Variants in SASH1 observed in about 807,000 individuals in gnomAD.
SASH1 encodes the protein SAM and SH3 domain containing 1.
SASH1 carries 44 observed loss-of-function variants against 125.2 expected under a neutral mutation model. The ratio of observed to expected loss-of-function variants is 0.35; its 90% confidence interval spans 0.28 to 0.45. The LOEUF (loss-of-function observed/expected upper bound fraction) is 0.45, where lower values mean the gene tolerates loss of function less well. Among genes scored for constraint, SASH1 ranks in the 20% least tolerant of loss-of-function variants. The probability of loss-of-function intolerance (pLI) is 1.00; values close to 1 mark genes in which losing one functional copy is unlikely to be tolerated. For synonymous variants in SASH1, 639 were observed against 649.1 expected, an observed-to-expected ratio of 0.98 and a Z score of 0.24; for missense variants, 1,426 against 1,614.5, an observed-to-expected ratio of 0.88 and a Z score of 2.00.
At chr6:148,301,766 T>G (rs1481174343) in intron 1 of SASH1, among the ~76,000 whole-genome samples, 1 of 120,538 alleles carries the variant, frequency 8.3e-6, no homozygotes, top group Non-Finnish European at 1.8e-5. Flanking sequence ...TTTTTTTTTT[T>G]GCAGTTTTTG....
At chr6:148,432,539 A>G (rs1023778367) in intron 2 of SASH1, among the ~76,000 whole-genome samples, 8 of 152,214 alleles carry the variant, frequency 5.3e-5, no homozygotes, top group African/African-American at 1.9e-4. Context: ...TTTTAGCTGC[A>G]TGTGGCTAAG....
chr6:148,228,176 G>T, the SASH1 span, among the ~76,000 whole-genome samples: 1 of 152,124 alleles, frequency 6.6e-6, no homozygotes, highest in African/African-American at 2.4e-5. Context: ...CTCCAGCAGG[G>T]TTTTTGATAT....
intron 1 of SASH1, among the ~76,000 whole-genome samples, chr6:148,346,887 C>T (rs555329368): frequency 1.2e-3 from 179 of 152,280 alleles, no homozygotes; most frequent in Admixed American, 1.5e-3. Context: ...ACTAACACCA[C>T]GACATGTGGT....
At chr6:148,438,742 A>C (rs200674072) in intron 2 of SASH1, among the ~76,000 whole-genome samples, 25,747 of 129,168 alleles carry the variant, frequency 0.2, 2,701 homozygotes, top group East Asian at 0.3. Flanking sequence ...AAAAAAAAAA[A>C]AAAACCAAAA....
intron 1 of SASH1, among the ~76,000 whole-genome samples, chr6:148,323,826 C>T (rs558441659): frequency 6.6e-6 from 1 of 152,042 alleles, no homozygotes; most frequent in Non-Finnish European, 1.5e-5. Context: ...GACTGAGGCT[C>T]TCCATTAAAA....
chr6:148,294,808 C>T (rs1779719984), intron 1 of SASH1, among the ~76,000 whole-genome samples: 1 of 152,058 alleles, frequency 6.6e-6, no homozygotes, highest in Non-Finnish European at 1.5e-5. Flanking sequence ...GAAAAAAGAA[C>T]TTGGAAAAAG....
the SASH1 span, among the ~76,000 whole-genome samples, chr6:148,220,399 G>A: frequency 6.6e-6 from 1 of 152,092 alleles, no homozygotes; most frequent in Non-Finnish European, 1.5e-5. Context: ...CATTCATAAG[G>A]GTGGACTTAA....
upstream of SASH1, among the ~76,000 whole-genome samples, chr6:148,269,316 G>A (rs1054869851): frequency 1.3e-5 from 2 of 151,724 alleles, no homozygotes; most frequent in African/African-American, 2.4e-5. Flanking sequence ...TCTGGGATAC[G>A]GTCTTCCTTT....
At chr6:148,229,569 A>T in the SASH1 span, among the ~76,000 whole-genome samples, 167 of 151,556 alleles carry the variant, frequency 1.1e-3, 1 homozygote, top group Middle Eastern at 3.4e-3. Context: ...AAAGCTGTTT[A>T]AAAAAAAAGT....
At chr6:148,349,266 T>C (rs1261947494) in intron 1 of SASH1, among the ~76,000 whole-genome samples, 6 of 130,974 alleles carry the variant, frequency 4.6e-5, no homozygotes, top group African/African-American at 1.7e-4. Context: ...TTTTTTTTTT[T>C]TTTTTTTTTT....
chr6:148,390,068 G>A, intron 1 of SASH1, 66 bp from the exon 2 acceptor site: 1 of 1,587,008 alleles, frequency 6.3e-7, no homozygotes, highest in Non-Finnish European at 8.6e-7. Flanking sequence ...GTAGAGGGAG[G>A]TCCGATGGCT....
intron 10 of SASH1, among the ~76,000 whole-genome samples, chr6:148,523,692 G>A (rs1448893776): frequency 6.6e-6 from 1 of 152,030 alleles, no homozygotes; most frequent in Non-Finnish European, 1.5e-5. Flanking sequence ...GCCCATTCCT[G>A]GTATGCTCTG....
intron 1 of SASH1, among the ~76,000 whole-genome samples, chr6:148,325,291 T>G (rs200359987): frequency 4.2e-4 from 35 of 83,690 alleles, no homozygotes; most frequent in African/African-American, 1.3e-3. Flanking sequence ...TGTTGTTGTT[T>G]TTGAGACAGA....
intron 4 of SASH1, among the ~76,000 whole-genome samples, chr6:148,448,420 CAGA>C (rs890438730): frequency 6.6e-6 from 1 of 152,102 alleles, no homozygotes; most frequent in Non-Finnish European, 1.5e-5. Context: ...AATGTTATTT[CAGA>C]GGTCAGTGGC....
intron 10 of SASH1, among the ~76,000 whole-genome samples, chr6:148,521,520 A>G (rs1474118008): frequency 6.6e-6 from 1 of 152,218 alleles, no homozygotes; most frequent in Non-Finnish European, 1.5e-5. Context: ...GGTTTTCCAC[A>G]TATTTCCACA....
chr6:148,390,047 A>C (rs528048138), intron 1 of SASH1, 87 bp from the exon 2 acceptor site: 6 of 1,471,116 alleles, frequency 4.1e-6, no homozygotes, highest in South Asian at 2.5e-5. Context: ...CTTTATTACT[A>C]TTAACTCTGC....
the SASH1 span, among the ~76,000 whole-genome samples, chr6:148,222,250 A>G: frequency 6.6e-6 from 1 of 152,228 alleles, no homozygotes; most frequent in African/African-American, 2.4e-5. Flanking sequence ...TGTTTCCCAG[A>G]CACAATCCCT....
intron 1 of SASH1, among the ~76,000 whole-genome samples, chr6:148,288,365 G>C (rs939956042): frequency 2.0e-5 from 3 of 152,318 alleles, no homozygotes; most frequent in African/African-American, 4.8e-5. Flanking sequence ...AGAAACACAG[G>C]CTGTCTCCAA....
the SASH1 span, among the ~76,000 whole-genome samples, chr6:148,213,315 AG>A: frequency 6.6e-6 from 1 of 152,168 alleles, no homozygotes; most frequent in African/African-American, 2.4e-5. Context: ...TCTATTTCAG[AG>A]GCTCCTACCC....
Sources: gnomAD v4.1 joint callset for allele counts (sites outside exome capture counted in the v4.1 genomes callset) on GRCh38, gnomAD v4.1.1 for gene constraint, MANE v1.5 for transcripts, NCBI Gene and HGNC (gene_info 2026-07-23, HGNC 2026-07-21) for gene names.